Variants in TMEM260 observed in about 807,000 individuals in gnomAD.
The protein encoded by TMEM260 is protein O-mannosyl-transferase TMEM260.
In TMEM260, 82 loss-of-function variants were observed where a neutral mutation model predicts 88.9. The ratio of observed to expected loss-of-function variants is 0.92; its 90% CI spans 0.77 to 1.11. The LOEUF is 1.11. TMEM260 is among the 50% of genes least tolerant of loss of function. TMEM260 has a pLI of 0.00. For synonymous variants in TMEM260, 314 were observed against 309.3 expected, an observed-to-expected ratio of 1.02 and a Z score of -0.16; for missense variants, 902 against 853.4, an observed-to-expected ratio of 1.06 and a Z score of -0.71.
intron 15 of TMEM260, among the ~76,000 whole-genome samples, chr14:56,645,002 T>C (rs1466095854): frequency 1.3e-5 from 2 of 151,738 alleles, no homozygotes; most frequent in East Asian, 3.9e-4. Flanking sequence ...CAACAGGTGC[T>C]GGAGAGGATG....
At chr14:56,639,735 C>A (rs1889423209) in intron 15 of TMEM260, among the ~76,000 whole-genome samples, 1 of 152,178 alleles carries the variant, frequency 6.6e-6, no homozygotes, top group Non-Finnish European at 1.5e-5. Context: ...CTTTCCTAGT[C>A]AAAGAAAGGG....
In TMEM260 at chr14:56,617,222, A is replaced by G. The variant is rs1287553653; in HGVS notation, c.981A>G (p.Gly327=). 14 of 1,603,868 alleles carry G rather than the reference A, an allele frequency of 8.7e-6. No individual in the cohort carries two copies. The highest frequency in any genetic ancestry group is 1.2e-5 in the Non-Finnish European group (14 of 1,176,226). The change falls in exon 9 of 16, where the codon GGA becomes GGG. Residue 327 remains glycine (G), a synonymous_variant. Coordinates refer to ENST00000261556, the MANE Select transcript of TMEM260 (RefSeq NM_017799.4). The stretch of plus-strand genomic sequence containing the variant: ...CATCATTAGTATGGCTTTTTACTGG[A>G]ATGTTTTGCATTTATTCATTGTTCT... ...QNPSLVWLFT[G]MFCIYSLFFA...
intron 6 of TMEM260, among the ~76,000 whole-genome samples, chr14:56,610,965 TTC>T (rs200164412): frequency 3.4e-4 from 49 of 145,544 alleles, no homozygotes; most frequent in South Asian, 4.3e-4. Flanking sequence ...CTTTCTTTCT[TTC>T]TTTTTTTTTT....
chr14:56,596,406 G>GTGTGTATATA (rs1290307932), intron 3 of TMEM260, among the ~76,000 whole-genome samples: 23 of 111,318 alleles, frequency 2.1e-4, no homozygotes, highest in East Asian at 2.3e-4. Context: ...GTGTGTGTGT[G>GTGTGTATATA]TATATATATA....
chr14:56,615,621 C>CA (rs1398039707), intron 7 of TMEM260: 1 of 195,710 alleles, frequency 5.1e-6, no homozygotes, highest in African/African-American at 2.3e-5. Context: ...TTCAAAAACT[C>CA]ATTTCAAACA....
At chr14:56,596,794 A>AAAATATATATAT (rs59623466) in intron 3 of TMEM260, among the ~76,000 whole-genome samples, 2 of 136,298 alleles carry the variant, frequency 1.5e-5, no homozygotes, top group African/African-American at 5.6e-5. Context: ...TAAAAAAAAA[A>AAAATATATATAT]ATATATATAT....
chr14:56,589,590 A>G (rs2139510307), intron 3 of TMEM260, among the ~76,000 whole-genome samples: 1 of 152,272 alleles, frequency 6.6e-6, no homozygotes, highest in African/African-American at 2.4e-5. Flanking sequence ...CGTCAAGTAG[A>G]TTACCTAGAA....
intron 15 of TMEM260, among the ~76,000 whole-genome samples, chr14:56,646,999 G>C (rs753596841): frequency 6.6e-6 from 1 of 151,978 alleles, no homozygotes; most frequent in Non-Finnish European, 1.5e-5. Flanking sequence ...CTGTGTCTTC[G>C]GTTTCCCCTG....
At chr14:56,586,679 C>G (rs1885525466) in intron 3 of TMEM260, among the ~76,000 whole-genome samples, 1 of 152,030 alleles carries the variant, frequency 6.6e-6, no homozygotes, top group African/African-American at 2.4e-5. Context: ...TTTTGCATGT[C>G]TTACTATAAA....
intron 15 of TMEM260, among the ~76,000 whole-genome samples, chr14:56,646,612 T>C (rs1330343896): frequency 1.3e-5 from 2 of 152,208 alleles, no homozygotes; most frequent in South Asian, 2.1e-4. Context: ...TGGGCAAAGT[T>C]TTAACTATCA....
intron 15 of TMEM260, among the ~76,000 whole-genome samples, chr14:56,640,595 C>T (rs574657194): frequency 6.6e-6 from 1 of 152,240 alleles, no homozygotes; most frequent in South Asian, 2.1e-4. Flanking sequence ...ACCTCTCCTC[C>T]TCCAAAGGAG....
intron 12 of TMEM260, among the ~76,000 whole-genome samples, chr14:56,627,739 G>A (rs1412810349): frequency 6.6e-6 from 1 of 152,206 alleles, no homozygotes; most frequent in Non-Finnish European, 1.5e-5. Flanking sequence ...AATGTTTAGT[G>A]AGCACCTGTT....
In TMEM260 at chr14:56,601,750, T is replaced by C. The variant is rs985882572; in HGVS notation, c.345-2065T>C. On this transcript the variant is annotated intron_variant, in intron 3 of 15. Coordinates refer to ENST00000261556, the MANE Select transcript of TMEM260 (RefSeq NM_017799.4). ...CATGGTTTCTTATGAATTAAGTGAT[T>C]TACAAGCTGTTACTATAATTATTTT... Among the ~76,000 whole-genome samples the C allele has an allele frequency of 2.0e-4, 31 of 152,144 alleles. 1 individual carries two copies.
intron 9 of TMEM260, among the ~76,000 whole-genome samples, chr14:56,618,357 G>A (rs558075501): frequency 6.6e-6 from 1 of 152,290 alleles, no homozygotes; most frequent in Non-Finnish European, 1.5e-5. Context: ...CCACAGTATT[G>A]AAATGAATGT....
At chr14:56,629,584 G>A (rs1333821823) in intron 12 of TMEM260, among the ~76,000 whole-genome samples, 1 of 152,112 alleles carries the variant, frequency 6.6e-6, no homozygotes, top group African/African-American at 2.4e-5. Flanking sequence ...CCTTCGTTCT[G>A]AGGATATTCC....
chr14:56,621,735 C>T (rs565827798), intron 11 of TMEM260, 33 bp downstream of exon 11: 28 of 1,546,392 alleles, frequency 1.8e-5, no homozygotes, highest in South Asian at 6.2e-5. Flanking sequence ...TAGAATATAG[C>T]GATGATTTAA....
chr14:56,642,208 C>G (rs540250340), intron 15 of TMEM260, among the ~76,000 whole-genome samples: 146 of 152,284 alleles, frequency 9.6e-4, no homozygotes, highest in Middle Eastern at 3.4e-3. Flanking sequence ...AATATACATT[C>G]TTCTCAGCAC....
downstream of TMEM260, among the ~76,000 whole-genome samples, chr14:56,654,956 C>T (rs1451440383): frequency 6.6e-6 from 1 of 151,458 alleles, no homozygotes. Flanking sequence ...AAATTTGACT[C>T]TTGGTTTATA....
At chr14:56,582,308 T>G (rs1199843614) in intron 1 of TMEM260, among the ~76,000 whole-genome samples, 1 of 152,228 alleles carries the variant, frequency 6.6e-6, no homozygotes, top group Non-Finnish European at 1.5e-5. Flanking sequence ...TTTGTACCAC[T>G]TGACACACAC....
Sources: allele counts gnomAD v4.1 joint callset (sites outside exome capture counted in the v4.1 genomes callset), GRCh38; gene constraint gnomAD v4.1.1; transcripts MANE v1.5; gene names NCBI Gene and HGNC (gene_info 2026-07-23, HGNC 2026-07-21).